The following GPC5 variants were observed in gnomAD, a reference collection of about 807,000 sequenced individuals.
The protein encoded by GPC5 is glypican-5.
A neutral mutation model predicts 53.9 loss-of-function variants in GPC5; 47 were observed. That is an observed-to-expected ratio of 0.87 (90% CI 0.69 to 1.11). The LOEUF is 1.11. GPC5 is among the 50% of genes most tolerant of loss of function. The pLI is 0.00. For missense variants in GPC5, 748 were observed against 713.1 expected (o/e 1.05, Z -0.56); for synonymous variants, 286 against 263.3 (o/e 1.09, Z -0.84).
chr13:91,752,248 A>ATG (rs1345938939), intron 4 of GPC5, among the ~76,000 whole-genome samples: 4 of 152,048 alleles, frequency 2.6e-5, no homozygotes, highest in South Asian at 2.1e-4. Context: ...GTATGTATGT[A>ATG]TGTATATATG....
chr13:92,423,129 G>A (rs1314298112), intron 7 of GPC5, among the ~76,000 whole-genome samples: 6 of 152,070 alleles, frequency 3.9e-5, no homozygotes. Flanking sequence ...GCTCTCTAAG[G>A]TTTCCTCTAT....
chr13:91,812,193 T>G (rs950843061), intron 5 of GPC5, among the ~76,000 whole-genome samples: 1 of 152,212 alleles, frequency 6.6e-6, no homozygotes, highest in South Asian at 2.1e-4. Context: ...AGACAAACAC[T>G]TGCAGAAGTC....
chr13:92,729,483 A>G (rs1465450851), intron 7 of GPC5, among the ~76,000 whole-genome samples: 1 of 151,460 alleles, frequency 6.6e-6, no homozygotes, highest in Non-Finnish European at 1.5e-5. Flanking sequence ...AATGAAACAT[A>G]TTAAGATCAA....
chr13:91,756,406 A>C lies in GPC5; in HGVS notation c.1266A>C (p.Glu422Asp). ...AADGLPCWNGEDIVKSYTQRV... is the reference protein window; with the variant it reads ...AADGLPCWNGDDIVKSYTQRV... The stretch of plus-strand genomic sequence containing the variant: ...ATGGACTTCCCTGCTGGAATGGAGA[A>C]GATATAGTAAAAAGGTATTTTATGT... Residue 422 changes from glutamate to aspartate, a missense_variant, in exon 5 of 8, where the codon GAA becomes GAC. Coordinates refer to ENST00000377067, the MANE Select transcript of GPC5 (RefSeq NM_004466.6). 6.3e-7 allele frequency: 1 copy of C among 1,587,786 alleles called. No homozygotes were observed. Among genetic ancestry groups the C allele is most frequent in the Non-Finnish European group, 8.6e-7 (1 of 1,162,208 alleles).
intron 7 of GPC5, among the ~76,000 whole-genome samples, chr13:92,196,202 T>C (rs1301784299): frequency 1.3e-5 from 2 of 152,220 alleles, no homozygotes; most frequent in Non-Finnish European, 2.9e-5. Flanking sequence ...AATGAAGTAC[T>C]AAGTATCTAT....
chr13:91,733,916 G>A (rs2036758043), intron 4 of GPC5, among the ~76,000 whole-genome samples: 1 of 152,154 alleles, frequency 6.6e-6, no homozygotes, highest in Admixed American at 6.5e-5. Context: ...CATTTTCAAA[G>A]GGAATGCTTC....
intron 6 of GPC5, among the ~76,000 whole-genome samples, chr13:92,018,208 A>G (rs2040726282): frequency 6.6e-6 from 1 of 152,184 alleles, no homozygotes; most frequent in Admixed American, 6.5e-5. Flanking sequence ...ATTTTTTACA[A>G]TAAGTAAGTC....
chr13:92,835,505 C>A (rs944645921), intron 7 of GPC5, among the ~76,000 whole-genome samples: 1 of 151,882 alleles, frequency 6.6e-6, no homozygotes, highest in Non-Finnish European at 1.5e-5. Flanking sequence ...CTGGTTGGCT[C>A]CTATTCATTA....
At chr13:91,625,545 G>A (rs2139389151) in intron 2 of GPC5, among the ~76,000 whole-genome samples, 1 of 151,990 alleles carries the variant, frequency 6.6e-6, no homozygotes, top group East Asian at 1.9e-4. Context: ...GAAGGGAGAT[G>A]GGTAGAGAAA....
At chr13:92,132,551 T>G (rs1484220023) in intron 6 of GPC5, among the ~76,000 whole-genome samples, 1 of 152,064 alleles carries the variant, frequency 6.6e-6, no homozygotes, top group South Asian at 2.1e-4. Context: ...AGTTTACAGG[T>G]GTGTCCGCCC....
chr13:92,230,504 TCTA>T (rs1253893616), intron 7 of GPC5, among the ~76,000 whole-genome samples: 4 of 152,258 alleles, frequency 2.6e-5, no homozygotes, highest in Middle Eastern at 3.4e-3. Flanking sequence ...TATCACCAAA[TCTA>T]CTTCTTGACA....
intron 5 of GPC5, among the ~76,000 whole-genome samples, chr13:91,861,027 GAT>G (rs1169013148): frequency 6.6e-6 from 1 of 152,102 alleles, no homozygotes; most frequent in Non-Finnish European, 1.5e-5. Flanking sequence ...GGGTTTCCTA[GAT>G]ATGTCTTATG....
At chr13:91,655,076 C>T (rs946455458) in intron 2 of GPC5, among the ~76,000 whole-genome samples, 1 of 151,998 alleles carries the variant, frequency 6.6e-6, no homozygotes, top group African/African-American at 2.4e-5. Context: ...TGAATGGTCT[C>T]CATGTATCAG....
rs535214852 is a variant in GPC5 at position 91,630,346 on chromosome 13, A to T, written c.326-62841A>T. On this transcript the variant is annotated intron_variant, in intron 2 of 7. Coordinates refer to ENST00000377067, the MANE Select transcript of GPC5 (RefSeq NM_004466.6). ...GGGTATTAGCTTCTTTGTTGTTTGT[A>T]GGTGATTGGAGAACAGAATCAGGGC... Among the ~76,000 whole-genome samples the T allele has an allele frequency of 2.6e-5, 4 of 152,234 alleles. No individual in the cohort carries two copies. In the South Asian group the frequency reaches 8.3e-4, roughly 32 times the overall value.
At chr13:92,607,295 ATGAT>A (rs1884289185) in intron 7 of GPC5, among the ~76,000 whole-genome samples, 1 of 152,190 alleles carries the variant, frequency 6.6e-6, no homozygotes, top group South Asian at 2.1e-4. Flanking sequence ...ATTACTTTTA[ATGAT>A]TGTGCTCTGG....
chr13:91,557,076 G>A (rs1466897796), intron 2 of GPC5, among the ~76,000 whole-genome samples: 1 of 152,110 alleles, frequency 6.6e-6, no homozygotes, highest in African/African-American at 2.4e-5. Flanking sequence ...CAAGAGGAGA[G>A]AGTTGCTGGG....
At chr13:92,390,325 C>T (rs1339007401) in intron 7 of GPC5, among the ~76,000 whole-genome samples, 1 of 152,014 alleles carries the variant, frequency 6.6e-6, no homozygotes, top group Non-Finnish European at 1.5e-5. Context: ...AACCATCAGC[C>T]TATAAAAAAG....
intron 7 of GPC5, among the ~76,000 whole-genome samples, chr13:92,549,884 TACACACACACACACACAC>T (rs34914341): frequency 1.4e-5 from 2 of 140,804 alleles, no homozygotes; most frequent in Non-Finnish European, 3.1e-5. Flanking sequence ...AACACACACA[TACACACACACACACACAC>T]ACACACACAC....
At chr13:91,476,003 A>G (rs1882907838) in intron 2 of GPC5, among the ~76,000 whole-genome samples, 1 of 152,224 alleles carries the variant, frequency 6.6e-6, no homozygotes, top group Non-Finnish European at 1.5e-5. Flanking sequence ...ATTATCAATT[A>G]CTGTCATGTA....
Sources: gnomAD v4.1 joint callset for allele counts (sites outside exome capture counted in the v4.1 genomes callset) on GRCh38, gnomAD v4.1.1 for gene constraint, MANE v1.5 for transcripts, NCBI Gene and HGNC (gene_info 2026-07-23, HGNC 2026-07-21) for gene names.